The following PON2 variants were observed in gnomAD, a reference collection of about 807,000 sequenced individuals.
PON2 encodes the protein paraoxonase 2, also known as serum paraoxonase/arylesterase 2.
In PON2, 27 loss-of-function variants were observed where a neutral mutation model predicts 36.6. The ratio of observed to expected loss-of-function variants is 0.74; its 90% CI spans 0.54 to 1.02. The LOEUF (loss-of-function observed/expected upper bound fraction) is 1.02, where lower values mean the gene tolerates loss of function less well. Among genes scored for constraint, PON2 ranks in the 50% least tolerant of loss-of-function variants. The probability of loss-of-function intolerance (pLI) is 0.00; values close to 1 mark genes in which losing one functional copy is unlikely to be tolerated. For synonymous variants in PON2, 149 were observed against 156.3 expected, an observed-to-expected ratio of 0.95 and a Z score of 0.35; for missense variants, 363 against 421.1, an observed-to-expected ratio of 0.86 and a Z score of 1.21.
At chr7:95,412,851 C>T in intron 3 of PON2, 1 of 310,454 alleles carries the variant, frequency 3.2e-6, no homozygotes, top group South Asian at 3.3e-5. Context: ...CATCCTTCTC[C>T]CACTGATTCA....
chr7:95,412,080 A>T (rs1310122553), intron 4 of PON2, among the ~76,000 whole-genome samples: 1 of 152,248 alleles, frequency 6.6e-6, no homozygotes, highest in Admixed American at 6.5e-5. Flanking sequence ...ATATGAAAAG[A>T]TTATGAAATC....
At position 95,405,427 on chromosome 7, in the gene PON2, T is replaced by C; in HGVS notation, c.968A>G (p.Asn323Ser). ...AGAACTTCCTTGGAGAACAGACCCA[T>C]TGTTGGCATAAACTGTAGTCACTGT... ...KPTVTTVYANNGSVLQGSSVA... is the reference protein window; with the variant it reads ...KPTVTTVYANSGSVLQGSSVA... The change falls in exon 9 of 9, where the codon AAT (asparagine) becomes AGT (serine). Residue 323 changes from asparagine (N) to serine (S), a missense_variant. Physicochemically the swap from Asn to Ser is conservative, Grantham distance 46 (BLOSUM62 1). Coordinates refer to ENST00000222572, the MANE Select transcript of PON2 (RefSeq NM_000305.3). 1.2e-6 allele frequency: 2 copies of C among 1,613,680 alleles called. No homozygotes were observed. The highest frequency in any genetic ancestry group is 8.5e-7 in the Non-Finnish European group (1 of 1,179,614).
chr7:95,432,164 C>T (rs1156911431), intron 1 of PON2, among the ~76,000 whole-genome samples: 1 of 152,158 alleles, frequency 6.6e-6, no homozygotes, highest in African/African-American at 2.4e-5. Flanking sequence ...AATCCTACCA[C>T]TTTGGGAGGC....
At chr7:95,419,226 C>T (rs2116483407) in intron 2 of PON2, among the ~76,000 whole-genome samples, 1 of 152,192 alleles carries the variant, frequency 6.6e-6, no homozygotes, top group South Asian at 2.1e-4. Flanking sequence ...TTAAGTCTAC[C>T]CCGTGTCAGT....
chr7:95,407,430 T>TACATATAG (rs1809728881), intron 6 of PON2, among the ~76,000 whole-genome samples: 1 of 152,244 alleles, frequency 6.6e-6, no homozygotes, highest in South Asian at 2.1e-4. Flanking sequence ...AATTATCATG[T>TACATATAG]ACATATAGAA....
In PON2 at chr7:95,424,520, C is replaced by T; in HGVS notation, c.140G>A (p.Gly47Glu). The change falls in exon 2 of 9, where the codon GGA becomes GAA. Residue 47 changes from glycine to glutamate, a missense_variant. Gly to Glu is a moderately conservative substitution (Grantham distance 98). Coordinates refer to ENST00000222572, the MANE Select transcript of PON2 (RefSeq NM_000305.3). Reference protein sequence around the residue: ...VDLPHCHLIKGIEAGSEDIDI... With the variant: ...VDLPHCHLIKEIEAGSEDIDI... ...AAGCATTTTCATATACATACCAATT[C>T]CTTTAATCAGGTGGCAGTGTGGAAG... The T allele has an allele frequency of 6.2e-7, 1 of 1,611,874 alleles. No homozygotes were observed. Among genetic ancestry groups the T allele is most frequent in the South Asian group, 1.1e-5 (1 of 91,034 alleles).
Position 95,411,736 on chromosome 7 carries a change from C to T in PON2, c.411G>A (p.Lys137=). The T allele has an allele frequency of 6.2e-7, 1 of 1,613,538 alleles. No homozygotes were observed. The highest frequency in any genetic ancestry group is 8.5e-7 in the Non-Finnish European group (1 of 1,179,606). Residue 137 remains lysine (K), a synonymous_variant, in exon 5 of 9, where the codon AAG becomes AAA. Transcript: ENST00000222572. ...CAAATTTAAAAATTTCCACTGTATT[C>T]TTGAATTCTGGGTGGTTTACAACAA... ...YLFVVNHPEF[K]NTVEIFKFEE...
intron 1 of PON2, among the ~76,000 whole-genome samples, chr7:95,429,751 T>G (rs1431843256): frequency 6.6e-6 from 1 of 152,214 alleles, no homozygotes; most frequent in East Asian, 1.9e-4. Flanking sequence ...TTATCTCCTA[T>G]GTGCAAGTGA....
chr7:95,412,446 G>A lies in PON2; in HGVS notation c.233C>T (p.Ala78Val), dbSNP rs780756995. ...TAGTATTCCTCCAGGCTTATCTGGT[G>A]CAAAGCTGTGGAGTCCTGGGAATTT... ...GLKFPGLHSF[A>V]PDKPGGILMM... The change falls in exon 4 of 9, where the codon GCA becomes GTA. Residue 78 changes from alanine to valine, a missense_variant. Transcript: ENST00000222572. The A allele has an allele frequency of 1.2e-6, 2 of 1,613,946 alleles. No homozygotes were observed. Among genetic ancestry groups the A allele is most frequent in the East Asian group, 2.2e-5 (1 of 44,894 alleles).
At position 95,411,780 on chromosome 7, in the gene PON2, C is replaced by A. The variant is rs1197001325; in HGVS notation, c.368-1G>T. 3 of 1,613,364 alleles carry A rather than the reference C, an allele frequency of 1.9e-6. No individual in the cohort carries two copies. In the South Asian group the frequency reaches 3.3e-5, roughly 18 times the overall value. ...ACAACAAAGAGATAAACTGTGTCAT[C>A]TAAAGAATTGAAAGAACAGAGTTAA... is the stretch of plus-strand genomic sequence containing the variant. On this transcript the variant is annotated splice_acceptor_variant, in intron 4 of 8. Coordinates refer to ENST00000222572, the MANE Select transcript of PON2 (RefSeq NM_000305.3). LOFTEE classifies it high-confidence loss of function.
intron 2 of PON2, 195 bp from the exon 3 acceptor site, chr7:95,416,492 G>T (rs764064911): frequency 3.7e-5 from 23 of 625,924 alleles, no homozygotes; most frequent in Non-Finnish European, 5.8e-5. Flanking sequence ...GACTTTAAAT[G>T]TTAGATATTT....
At chr7:95,407,965 T>C (rs550416467) in intron 6 of PON2, among the ~76,000 whole-genome samples, 21 of 152,108 alleles carry the variant, frequency 1.4e-4, no homozygotes, top group Non-Finnish European at 2.9e-4. Context: ...GGAAGGAATG[T>C]TTAAAACAAT....
chr7:95,414,189 A>C (rs1789005288), intron 3 of PON2, among the ~76,000 whole-genome samples: 1 of 152,158 alleles, frequency 6.6e-6, no homozygotes, highest in Admixed American at 6.5e-5. Context: ...ATGAAGTGTG[A>C]CATTAGTTTT....
intron 2 of PON2, among the ~76,000 whole-genome samples, chr7:95,422,111 A>C (rs889993869): frequency 3.3e-5 from 5 of 152,238 alleles, no homozygotes; most frequent in African/African-American, 9.6e-5. Flanking sequence ...GTTGCAAAAA[A>C]CTGTAACAAC....
chr7:95,415,359 C>T (rs1020245286), intron 3 of PON2: 1 of 152,110 alleles, frequency 6.6e-6, no homozygotes, highest in African/African-American at 2.4e-5. Flanking sequence ...TTTTTAAAGT[C>T]TTTCTATTGT....
chr7:95,415,998 A>AT, intron 3 of PON2: 1 of 646,372 alleles, frequency 1.5e-6, no homozygotes, highest in Non-Finnish European at 2.5e-6. Context: ...CAAAACACAG[A>AT]TTGCATTGGA....
intron 2 of PON2, among the ~76,000 whole-genome samples, chr7:95,419,923 T>G (rs1304621327): frequency 6.6e-6 from 1 of 152,138 alleles, no homozygotes; most frequent in East Asian, 1.9e-4. Context: ...TGACTATAAT[T>G]TTATAACAGC....
At chr7:95,430,316 TG>T (rs1051443765) in intron 1 of PON2, among the ~76,000 whole-genome samples, 17 of 151,238 alleles carry the variant, frequency 1.1e-4, no homozygotes, top group Non-Finnish European at 7.4e-5. Flanking sequence ...AAAATTTTTT[TG>T]TTTTTTTTTT....
intron 1 of PON2, among the ~76,000 whole-genome samples, chr7:95,428,262 C>A (rs548385791): frequency 1.3e-5 from 2 of 152,116 alleles, no homozygotes; most frequent in African/African-American, 2.4e-5. Context: ...TTCCTCATCA[C>A]GAGCCTATGG....
Sources: allele counts gnomAD v4.1 joint callset (sites outside exome capture counted in the v4.1 genomes callset), GRCh38; gene constraint gnomAD v4.1.1; transcripts MANE v1.5; gene names NCBI Gene and HGNC (gene_info 2026-07-23, HGNC 2026-07-21).